The following UBXN2A variants were observed in gnomAD, a reference collection of about 807,000 sequenced individuals.
UBXN2A encodes UBX domain-containing protein 2A.
In UBXN2A, 28 loss-of-function variants were observed where a neutral mutation model predicts 28.4. The observed-to-expected ratio is 0.99, with a 90% CI of 0.73 to 1.35. The LOEUF (loss-of-function observed/expected upper bound fraction) is 1.35, where lower values mean the gene tolerates loss of function less well. UBXN2A is among the 40% of genes most tolerant of loss of function. The pLI is 0.00. For missense variants in UBXN2A, 253 were observed against 297.9 expected, an observed-to-expected ratio of 0.85 and a Z score of 1.11; for synonymous variants, 97 against 103.6, an observed-to-expected ratio of 0.94 and a Z score of 0.39.
chr2:23,989,250 G>A (rs906509647), intron 6 of UBXN2A, among the ~76,000 whole-genome samples: 1 of 151,386 alleles, frequency 6.6e-6, no homozygotes, highest in Admixed American at 6.6e-5. Context: ...ATACATATGT[G>A]TGTGTGTGTG....
intron 2 of UBXN2A, among the ~76,000 whole-genome samples, chr2:23,969,322 A>G (rs1707312383): frequency 1.3e-5 from 2 of 152,126 alleles, no homozygotes; most frequent in African/African-American, 2.4e-5. Flanking sequence ...GGATTGCTTG[A>G]GCCCAGGAGT....
At chr2:23,943,890 C>T (rs1203200671) in intron 1 of UBXN2A, 17 of 402,718 alleles carry the variant, frequency 4.2e-5, no homozygotes, top group South Asian at 6.4e-5. Flanking sequence ...TCATTGCCTC[C>T]GAGCGCACTT....
At chr2:23,944,055 T>C (rs1705909301) in intron 1 of UBXN2A, 1 of 597,822 alleles carries the variant, frequency 1.7e-6, no homozygotes, top group Non-Finnish European at 3.2e-6. Flanking sequence ...GATGTCCATC[T>C]GCCACCATGG....
At chr2:23,968,648 G>A (rs376403272) in intron 2 of UBXN2A, among the ~76,000 whole-genome samples, 144 of 151,196 alleles carry the variant, frequency 9.5e-4, no homozygotes, top group African/African-American at 3.4e-3. Flanking sequence ...AGTCCAGCCT[G>A]GGGGACAGAG....
intron 1 of UBXN2A, among the ~76,000 whole-genome samples, chr2:23,952,519 A>G (rs1038376122): frequency 2.0e-5 from 3 of 152,062 alleles, no homozygotes; most frequent in Admixed American, 6.6e-5. Context: ...ATGTCAGCTC[A>G]CCACAATCTC....
chr2:23,934,177 C>T (rs1705457639), intron 1 of UBXN2A, among the ~76,000 whole-genome samples: 1 of 151,938 alleles, frequency 6.6e-6, no homozygotes, highest in Non-Finnish European at 1.5e-5. Flanking sequence ...CACCACTGCA[C>T]TCCAGCCTGG....
chr2:23,977,145 C>T, intron 4 of UBXN2A, 70 bp downstream of exon 4: 1 of 1,304,664 alleles, frequency 7.7e-7, no homozygotes, highest in Non-Finnish European at 1.1e-6. Context: ...GAGAGGATTG[C>T]CTGAGCTCAG....
At chr2:23,954,058 G>A (rs1240086551) in intron 1 of UBXN2A, among the ~76,000 whole-genome samples, 1 of 152,060 alleles carries the variant, frequency 6.6e-6, no homozygotes, top group African/African-American at 2.4e-5. Context: ...TGTTGCCCAG[G>A]CTGGAGTGCA....
At chr2:23,966,655 G>A (rs1235920465) in intron 2 of UBXN2A, among the ~76,000 whole-genome samples, 5 of 138,268 alleles carry the variant, frequency 3.6e-5, no homozygotes, top group Non-Finnish European at 6.1e-5. Context: ...GTTTCACCGT[G>A]TTAGCCAGGA....
rs1402587595 is a variant in UBXN2A at position 24,000,689 on chromosome 2, C to A, written c.*822C>A. 1 of 151,942 alleles carries A rather than the reference C, an allele frequency of 6.6e-6. No homozygotes were observed. The highest frequency in any genetic ancestry group is 6.6e-5 in the Admixed American group (1 of 15,258). 9.4% of individuals were successfully genotyped at this position (151,942 alleles called of 1,614,324 possible). A position where few individuals can be genotyped will look rare whatever the true frequency, so the allele number is the denominator to read the frequency against. The stretch of plus-strand genomic sequence containing the variant: ...AACCAGAATGATCAACAGAGTGAGA[C>A]CCCTGTCTATATATTTTTTTAATTT... On this transcript the variant is annotated 3_prime_UTR_variant, in exon 7 of 7. Transcript: ENST00000309033.
intron 6 of UBXN2A, among the ~76,000 whole-genome samples, chr2:23,988,766 G>A (rs1302430938): frequency 5.3e-5 from 8 of 152,056 alleles, no homozygotes; most frequent in Admixed American, 4.6e-4. Context: ...TGATTGATTT[G>A]TGTCTATACC....
At chr2:23,962,217 GCTAT>G (rs1436539668) in intron 2 of UBXN2A, among the ~76,000 whole-genome samples, 2 of 152,152 alleles carry the variant, frequency 1.3e-5, no homozygotes, top group African/African-American at 4.8e-5. Context: ...TACCATATGT[GCTAT>G]CTAAGCGTCC....
At chr2:23,972,048 A>G (rs1456098161) in intron 3 of UBXN2A, among the ~76,000 whole-genome samples, 1 of 152,094 alleles carries the variant, frequency 6.6e-6, no homozygotes, top group African/African-American at 2.4e-5. Context: ...GCAGTGAGCC[A>G]TGACCGCACC....
At chr2:23,928,305 C>T (rs10208319) in intron 1 of UBXN2A, among the ~76,000 whole-genome samples, 1,890 of 151,870 alleles carry the variant, frequency 0.012, 35 homozygotes, top group African/African-American at 0.043. Context: ...CAGTACAGGC[C>T]GGGCTTACGC....
At chr2:23,940,230 G>C (rs1705677079), upstream of UBXN2A, among the ~76,000 whole-genome samples, 1 of 152,174 alleles carries the variant, frequency 6.6e-6, no homozygotes. Flanking sequence ...TGAGGCTGAG[G>C]AGGTACCCAG....
chr2:23,956,541 T>A (rs545678203), intron 1 of UBXN2A, among the ~76,000 whole-genome samples: 1 of 151,608 alleles, frequency 6.6e-6, no homozygotes, highest in South Asian at 2.1e-4. Flanking sequence ...TTAGTGGAGA[T>A]GGGGTTTCAC....
At chr2:23,950,057 C>T (rs994038450) in intron 1 of UBXN2A, among the ~76,000 whole-genome samples, 58 of 128,154 alleles carry the variant, frequency 4.5e-4, no homozygotes, top group African/African-American at 1.5e-3. Flanking sequence ...TTTGCACTTG[C>T]TGCACACTGT....
chr2:23,990,863 A>G (rs1193217320), intron 6 of UBXN2A, among the ~76,000 whole-genome samples: 2 of 152,172 alleles, frequency 1.3e-5, no homozygotes, highest in Non-Finnish European at 2.9e-5. Flanking sequence ...TATAGAACAC[A>G]TACACTATGA....
chr2:23,983,573 A>C (rs976177371), intron 5 of UBXN2A, among the ~76,000 whole-genome samples: 1 of 152,112 alleles, frequency 6.6e-6, no homozygotes, highest in Non-Finnish European at 1.5e-5. Context: ...TCTTTTTTTC[A>C]AATCAAAAGG....
Sources: allele counts gnomAD v4.1 joint callset (sites outside exome capture counted in the v4.1 genomes callset), GRCh38; gene constraint gnomAD v4.1.1; transcripts MANE v1.5; gene names NCBI Gene and HGNC (gene_info 2026-07-23, HGNC 2026-07-21).